Variants in UQCRH observed in about 807,000 individuals in gnomAD.
UQCRH encodes cytochrome b-c1 complex subunit 6, mitochondrial.
UQCRH carries 14 observed loss-of-function variants against 16.3 expected under a neutral mutation model. That is an observed-to-expected ratio of 0.86 (90% confidence interval 0.57 to 1.34). UQCRH has a LOEUF of 1.34. UQCRH is among the 40% of genes most tolerant of loss of function. The pLI, the probability that UQCRH is intolerant of heterozygous loss-of-function variation, is 0.00. For synonymous variants in UQCRH, 41 were observed against 41.9 expected, an observed-to-expected ratio of 0.98 and a Z score of 0.08; for missense variants, 89 against 111.9, an observed-to-expected ratio of 0.80 and a Z score of 0.92.
intron 1 of UQCRH, among the ~76,000 whole-genome samples, 175 bp downstream of exon 1, chr1:46,303,995 A>G (rs933054237): frequency 6.6e-6 from 1 of 152,252 alleles, no homozygotes; most frequent in Non-Finnish European, 1.5e-5. Context: ...TTGGACAGAT[A>G]GATGACTAGT....
chr1:46,313,222 T>G (rs1661512549), intron 3 of UQCRH, among the ~76,000 whole-genome samples: 1 of 152,202 alleles, frequency 6.6e-6, no homozygotes, highest in African/African-American at 2.4e-5. Flanking sequence ...CTGGGCACTG[T>G]GGCTCATGCT....
chr1:46,315,369 G>C (rs1661564135), intron 3 of UQCRH, among the ~76,000 whole-genome samples: 1 of 151,966 alleles, frequency 6.6e-6, no homozygotes, highest in African/African-American at 2.4e-5. Flanking sequence ...GCTTGAACCT[G>C]GGAGGCAGAG....
chr1:46,314,509 A>G (rs889463239), intron 3 of UQCRH, among the ~76,000 whole-genome samples: 2 of 151,948 alleles, frequency 1.3e-5, no homozygotes, highest in South Asian at 2.1e-4. Flanking sequence ...CGTCTCTACT[A>G]AAAACACAAA....
At chr1:46,311,016 C>G (rs1015905094) in intron 3 of UQCRH, among the ~76,000 whole-genome samples, 4 of 149,752 alleles carry the variant, frequency 2.7e-5, no homozygotes, top group African/African-American at 4.9e-5. Context: ...TGCAGTGAGC[C>G]GAGATTGCGC....
chr1:46,313,553 C>T (rs568462691), intron 3 of UQCRH, among the ~76,000 whole-genome samples: 4 of 151,976 alleles, frequency 2.6e-5, no homozygotes, highest in Non-Finnish European at 4.4e-5. Context: ...GGCGTGAACC[C>T]GGGAGGCGGA....
intron 1 of UQCRH, among the ~76,000 whole-genome samples, chr1:46,304,918 G>A (rs990595809): frequency 6.6e-6 from 1 of 152,172 alleles, no homozygotes; most frequent in Non-Finnish European, 1.5e-5. Context: ...CTGTCCGTCT[G>A]TTCTCTGGTC....
intron 3 of UQCRH, among the ~76,000 whole-genome samples, chr1:46,314,795 T>C (rs574546516): frequency 6.6e-6 from 1 of 152,208 alleles, no homozygotes; most frequent in South Asian, 2.1e-4. Context: ...GTGAGGTACC[T>C]AGAATAGCAG....
chr1:46,308,356 T>C (rs1661411288), intron 1 of UQCRH, among the ~76,000 whole-genome samples: 1 of 152,210 alleles, frequency 6.6e-6, no homozygotes, highest in Admixed American at 6.5e-5. Context: ...GAAGCATGGC[T>C]CAGCACCTTG....
intron 3 of UQCRH, among the ~76,000 whole-genome samples, chr1:46,312,305 A>G (rs1445732240): frequency 6.6e-6 from 1 of 151,570 alleles, no homozygotes; most frequent in Non-Finnish European, 1.5e-5. Flanking sequence ...GGGTTTCACC[A>G]TGTTGGCCAG....
intron 1 of UQCRH, among the ~76,000 whole-genome samples, chr1:46,304,815 G>A (rs1351959830): frequency 1.3e-5 from 2 of 152,192 alleles, no homozygotes; most frequent in Non-Finnish European, 2.9e-5. Flanking sequence ...CCAAATTGGT[G>A]CAGCCAGGAA....
rs182857515 is a variant in UQCRH at position 46,306,831 on chromosome 1, A to G, written c.55-2270A>G. Among the ~76,000 whole-genome samples the G allele has an allele frequency of 5.1e-3, 776 of 152,290 alleles. 3 individuals carry two copies. The highest frequency in any genetic ancestry group is 6.2e-3 in the Non-Finnish European group (422 of 68,026). ...TGAACCTTTCCTACCCCTCACTCCC[A>G]GCTTGTATGAGCTTTGGTGGCTTCA... On this transcript the variant is annotated intron_variant, in intron 1 of 3. Coordinates refer to ENST00000311672, the MANE Select transcript of UQCRH (RefSeq NM_006004.4).
rs955200682 is a variant in UQCRH, at chr1:46,315,622, GA to G, written c.244-920del. On this transcript the variant is annotated intron_variant, in intron 3 of 3. Transcript: ENST00000311672. The stretch of plus-strand genomic sequence containing the variant: ...AAAAAAAAAAAAAAAGATTAAAATA[GA>G]AAAAAAAAATTACTGAAGTGGAAAA... Among the ~76,000 whole-genome samples, 409 of 138,090 alleles carry G rather than the reference GA, an allele frequency of 3.0e-3. 4 individuals carry two copies. Among genetic ancestry groups the G allele is most frequent in the East Asian group, 0.015 (71 of 4,770 alleles). 90.6% of individuals were successfully genotyped at this position (138,090 alleles called of 152,430 possible).
intron 3 of UQCRH, among the ~76,000 whole-genome samples, chr1:46,314,918 G>A (rs1661553706): frequency 6.6e-6 from 1 of 152,194 alleles, no homozygotes; most frequent in Non-Finnish European, 1.5e-5. Context: ...GATGAAAAAG[G>A]TCCCAAGATT....
chr1:46,308,924 G>A (rs1329936984), intron 1 of UQCRH, among the ~76,000 whole-genome samples, 177 bp from the exon 2 acceptor site: 1 of 152,208 alleles, frequency 6.6e-6, no homozygotes, highest in Non-Finnish European at 1.5e-5. Flanking sequence ...CCCTGGAAGA[G>A]CAGGATTAGC....
chr1:46,316,642 T>C lies in UQCRH; in HGVS notation c.*58T>C. 1.2e-6 allele frequency: 2 copies of C among 1,605,438 alleles called. No homozygotes were observed. The highest frequency in any genetic ancestry group is 1.7e-6 in the Non-Finnish European group (2 of 1,177,264). ...ATCTGGGCATCAGAATATTTCCTTA[T>C]GGTTTTGGATGTACCATTTGTTTCT... On this transcript the variant is annotated 3_prime_UTR_variant, in exon 4 of 4. Transcript: ENST00000311672.
At chr1:46,309,970 C>G (rs895381782) in intron 2 of UQCRH, 185 bp from the exon 3 acceptor site, 3 of 1,466,458 alleles carry the variant, frequency 2.0e-6, no homozygotes, top group African/African-American at 2.8e-5. Flanking sequence ...TACTACTTAG[C>G]ATCAGAATTG....
intron 3 of UQCRH, among the ~76,000 whole-genome samples, chr1:46,314,335 C>A (rs77526109): frequency 0.074 from 10,639 of 143,408 alleles, 522 homozygotes; most frequent in Middle Eastern, 0.17. Context: ...CACTGCACTT[C>A]AGCCTGGGTA....
intron 2 of UQCRH, chr1:46,309,768 C>A: frequency 1.1e-6 from 1 of 888,284 alleles, no homozygotes; most frequent in Non-Finnish European, 1.5e-6. Flanking sequence ...GGTGCATAGG[C>A]CTGGTTCTCA....
intron 3 of UQCRH, among the ~76,000 whole-genome samples, 196 bp downstream of exon 3, chr1:46,310,512 A>T (rs1661449945): frequency 6.6e-6 from 1 of 152,166 alleles, no homozygotes; most frequent in South Asian, 2.1e-4. Context: ...GTCCAGGCTG[A>T]AGTACAGCGG....
Sources: gnomAD v4.1 joint callset for allele counts (sites outside exome capture counted in the v4.1 genomes callset) on GRCh38, gnomAD v4.1.1 for gene constraint, MANE v1.5 for transcripts, NCBI Gene and HGNC (gene_info 2026-07-23, HGNC 2026-07-21) for gene names.